CENPH: variants seen among roughly 807,000 people sequenced by gnomAD.
CENPH encodes centromere protein H.
In CENPH, 40 loss-of-function variants were observed where a neutral mutation model predicts 42.9. That is an observed-to-expected ratio of 0.93 (90% CI 0.72 to 1.21). CENPH has a LOEUF of 1.21. Among genes scored for constraint, CENPH ranks in the 50% most tolerant of loss-of-function variants. The probability of loss-of-function intolerance (pLI) is 0.00; values close to 1 mark genes in which losing one functional copy is unlikely to be tolerated. For missense variants in CENPH, 302 were observed against 292.9 expected (o/e 1.03, Z -0.23); for synonymous variants, 88 against 96.5 (o/e 0.91, Z 0.52).
At chr5:69,207,779 C>T (rs1748182812) in intron 7 of CENPH, 1 of 152,538 alleles carries the variant, frequency 6.6e-6, no homozygotes, top group South Asian at 2.1e-4. Context: ...CCACTGCACT[C>T]CAGCCTAGGC....
intron 4 of CENPH, 67 bp from the exon 5 acceptor site, chr5:69,196,986 T>C (rs1435600830): frequency 2.0e-6 from 2 of 1,010,360 alleles, no homozygotes; most frequent in African/African-American, 3.3e-5. Context: ...TTTTCATGTT[T>C]TGAATTTTTT....
intron 1 of CENPH, among the ~76,000 whole-genome samples, chr5:69,190,860 C>T (rs1747857948): frequency 6.6e-6 from 1 of 151,582 alleles, no homozygotes; most frequent in Non-Finnish European, 1.5e-5. Flanking sequence ...CATTGCACTC[C>T]AGCCTGGGCA....
chr5:69,209,771 A>G lies in CENPH; in HGVS notation c.716A>G (p.Gln239Arg). The G allele has an allele frequency of 6.2e-7, 1 of 1,600,540 alleles. No homozygotes were observed. The highest frequency in any genetic ancestry group is 1.1e-5 in the South Asian group (1 of 89,948). Reference protein sequence around the residue: ...EDPALKEIVLQLEKNVDMM With the variant: ...EDPALKEIVLRLEKNVDMM Reference sequence around the variant, plus strand: ...CCTGCCCTTAAGGAAATTGTTCTGCAGCTTGAGAAGAATGTTGACATGATG... The same window carrying G: ...CCTGCCCTTAAGGAAATTGTTCTGCGGCTTGAGAAGAATGTTGACATGATG... Residue 239 changes from glutamine to arginine, a missense_variant, in exon 9 of 9, where the codon CAG becomes CGG. Coordinates refer to ENST00000283006, the MANE Select transcript of CENPH (RefSeq NM_022909.4).
intron 5 of CENPH, among the ~76,000 whole-genome samples, chr5:69,200,788 T>G (rs2112089473): frequency 9.6e-6 from 1 of 104,012 alleles, no homozygotes; most frequent in South Asian, 3.7e-4. Flanking sequence ...CAGGCTGGAG[T>G]GCAGTGGCAC....
chr5:69,207,081 C>T (rs1748172013), intron 7 of CENPH, among the ~76,000 whole-genome samples: 1 of 152,152 alleles, frequency 6.6e-6, no homozygotes, highest in African/African-American at 2.4e-5. Context: ...TGTTGAAGAA[C>T]AGGCCCCTGA....
At chr5:69,201,061 A>G (rs147299124) in intron 5 of CENPH, among the ~76,000 whole-genome samples, 1 of 151,566 alleles carries the variant, frequency 6.6e-6, no homozygotes, top group Non-Finnish European at 1.5e-5. Context: ...CCTGAGCTCA[A>G]GCAATCCTCC....
At chr5:69,203,300 G>A (rs1265741612) in intron 7 of CENPH, among the ~76,000 whole-genome samples, 2 of 152,076 alleles carry the variant, frequency 1.3e-5, no homozygotes, top group Non-Finnish European at 1.5e-5. Context: ...CTGAATAGCT[G>A]GAACTACAGG....
At chr5:69,189,989 G>A (rs892502358) in intron 1 of CENPH, among the ~76,000 whole-genome samples, 3 of 152,200 alleles carry the variant, frequency 2.0e-5, no homozygotes, top group Admixed American at 1.3e-4. Flanking sequence ...GATAGTCTAG[G>A]AAAGTGTTGA....
Position 69,194,698 on chromosome 5 carries a change from A to T in CENPH, c.239+3A>T. 1 of 1,563,320 alleles carries T rather than the reference A, an allele frequency of 6.4e-7. No homozygotes were observed. The highest frequency in any genetic ancestry group is 2.3e-5 in the East Asian group (1 of 44,436). ...ATGCAAGAAAAGCAAATCGAAGCGTATGTTATATTTAAAAATTTTGTTTAT... is the reference window on the plus strand; with the variant it reads ...ATGCAAGAAAAGCAAATCGAAGCGTTTGTTATATTTAAAAATTTTGTTTAT... On this transcript the variant is annotated splice_donor_region_variant and intron_variant, in intron 3 of 8. Coordinates refer to ENST00000283006, the MANE Select transcript of CENPH (RefSeq NM_022909.4).
At chr5:69,195,593 C>A in intron 3 of CENPH, 124 bp from the exon 4 acceptor site, 1 of 615,576 alleles carries the variant, frequency 1.6e-6, no homozygotes, top group Non-Finnish European at 2.9e-6. Flanking sequence ...GTATATTGAG[C>A]CTGTAGAATA....
intron 5 of CENPH, among the ~76,000 whole-genome samples, chr5:69,201,427 G>A (rs1341088266): frequency 6.6e-6 from 1 of 151,890 alleles, no homozygotes; most frequent in Admixed American, 6.6e-5. Context: ...TACATTCCTG[G>A]CACCTGGCAT....
chr5:69,193,840 C>T (rs918796853), intron 2 of CENPH, among the ~76,000 whole-genome samples: 9 of 151,756 alleles, frequency 5.9e-5, no homozygotes, highest in African/African-American at 1.9e-4. Flanking sequence ...TTAGTAGAGA[C>T]GGGTTTCACC....
chr5:69,190,298 A>G (rs1178056502), intron 1 of CENPH, among the ~76,000 whole-genome samples: 4 of 152,224 alleles, frequency 2.6e-5, no homozygotes, highest in Non-Finnish European at 5.9e-5. Context: ...AATCTGCCTA[A>G]CTGCCTATTT....
chr5:69,199,746 A>G (rs773720868), intron 5 of CENPH, among the ~76,000 whole-genome samples: 1 of 152,174 alleles, frequency 6.6e-6, no homozygotes, highest in Non-Finnish European at 1.5e-5. Context: ...GTCAGTTTCT[A>G]TGTTTATTCA....
chr5:69,205,871 G>C (rs910712486), intron 7 of CENPH, among the ~76,000 whole-genome samples: 2 of 151,556 alleles, frequency 1.3e-5, no homozygotes, highest in Non-Finnish European at 2.9e-5. Context: ...ACCACGCCCG[G>C]CTAATTTTTT....
chr5:69,194,722 A>G (rs376394227), intron 3 of CENPH, 27 bp downstream of exon 3: 12 of 1,404,132 alleles, frequency 8.5e-6, no homozygotes, highest in African/African-American at 2.9e-5. Context: ...AATTTTGTTT[A>G]TGGTCTTTAC....
In CENPH at chr5:69,198,013, C is replaced by A. The variant is rs543416613; in HGVS notation, c.371+904C>A. On this transcript the variant is annotated intron_variant, in intron 5 of 8. Transcript: ENST00000283006. Reference sequence around the variant, plus strand: ...TCGGCTCACTGCAACCTCTGCCTCCCGGGTTCACGCCATTCTCCTGCCTCA... The same window carrying A: ...TCGGCTCACTGCAACCTCTGCCTCCAGGGTTCACGCCATTCTCCTGCCTCA... Among the ~76,000 whole-genome samples the A allele has an allele frequency of 1.2e-3, 173 of 147,178 alleles. 3 individuals carry two copies. The highest frequency in any genetic ancestry group is 2.9e-3 in the Admixed American group (41 of 14,226).
intron 5 of CENPH, among the ~76,000 whole-genome samples, chr5:69,200,896 C>A (rs1417143060): frequency 6.6e-6 from 1 of 151,606 alleles, no homozygotes; most frequent in Non-Finnish European, 1.5e-5. Context: ...CACCATCACA[C>A]CTGGCTAATT....
chr5:69,189,619 T>C lies in CENPH; in HGVS notation c.-16T>C. On this transcript the variant is annotated 5_prime_UTR_variant, in exon 1 of 9. Coordinates refer to ENST00000283006, the MANE Select transcript of CENPH (RefSeq NM_022909.4). ...GCGTTTGCCTGTTGAGTGGTAGCCT[T>C]TCCCCTCAACCAGCAATGGAGGAGC... is the stretch of plus-strand genomic sequence containing the variant. The C allele has an allele frequency of 1.3e-6, 2 of 1,590,522 alleles. No homozygotes were observed. The highest frequency in any genetic ancestry group is 1.3e-5 in the African/African-American group (1 of 74,610).
Sources: allele counts gnomAD v4.1 joint callset (sites outside exome capture counted in the v4.1 genomes callset), GRCh38; gene constraint gnomAD v4.1.1; transcripts MANE v1.5; gene names NCBI Gene and HGNC (gene_info 2026-07-23, HGNC 2026-07-21).